The following MAJIN variants were observed in gnomAD, a reference collection of about 807,000 sequenced individuals.
The protein encoded by MAJIN is membrane anchored junction protein.
In MAJIN, 27 loss-of-function variants were observed where a neutral mutation model predicts 30.2. The observed-to-expected ratio is 0.89, with a 90% CI of 0.66 to 1.23. The LOEUF is 1.23. Among genes scored for constraint, MAJIN ranks in the 50% most tolerant of loss-of-function variants. MAJIN has a pLI of 0.00. For synonymous variants in MAJIN, 78 were observed against 91.6 expected (o/e 0.85, Z 0.85); for missense variants, 253 against 260.3 (o/e 0.97, Z 0.19).
In MAJIN at chr11:64,949,783, T is replaced by C. The variant is rs1317766604; in HGVS notation, c.309A>G (p.Leu103=). Residue 103 remains leucine (L), a synonymous_variant, in exon 6 of 11, where the codon CTA becomes CTG. Transcript: ENST00000301896. ...ILIPYPFVFT[L]YVEMKWFHEN... is the part of the protein sequence containing the mutation. ...CATGGAACCATTTCATCTCCACATA[T>C]AGAGTAAAAACAAATGGGTAGGGGA... is the stretch of plus-strand genomic sequence containing the variant. The C allele has an allele frequency of 2.5e-6, 4 of 1,612,648 alleles. No homozygotes were observed. The African/African-American group carries it at 5.3e-5, about 22-fold the overall frequency.
rs866715421 is a variant in MAJIN, at chr11:64,948,639, A to T, written c.350-820T>A. Among the ~76,000 whole-genome samples, 177 of 18,482 alleles carry T rather than the reference A, an allele frequency of 9.6e-3. 3 individuals carry two copies. Among genetic ancestry groups the T allele is most frequent in the Middle Eastern group, 0.05 (1 of 20 alleles). 12.1% of individuals were successfully genotyped at this position (18,482 alleles called of 152,430 possible). ...TATATATATATATATATATATATAT[A>T]TTTTTTTTTTTTTTTTTTTTTTTTT... is the stretch of plus-strand genomic sequence containing the variant. On this transcript the variant is annotated intron_variant, in intron 6 of 10. Transcript: ENST00000301896.
chr11:64,956,470 C>G (rs940796854), intron 3 of MAJIN, among the ~76,000 whole-genome samples: 1 of 151,888 alleles, frequency 6.6e-6, no homozygotes, highest in African/African-American at 2.4e-5. Flanking sequence ...GCTTGGGTGA[C>G]AAGAGTGAAA....
intron 6 of MAJIN, among the ~76,000 whole-genome samples, chr11:64,948,602 C>CATATATACATAT (rs1554970963): frequency 1.0e-4 from 2 of 19,418 alleles, no homozygotes; most frequent in Admixed American, 1.2e-3. Flanking sequence ...CGGGCTACAT[C>CATATATACATAT]ATATATATAT....
intron 4 of MAJIN, among the ~76,000 whole-genome samples, chr11:64,952,748 AGGCT>A (rs796689252): frequency 2.4e-4 from 37 of 152,250 alleles, no homozygotes; most frequent in African/African-American, 8.9e-4. Context: ...TCTGTTGCCC[AGGCT>A]GGAGTGCAGT....
rs775733031 is a variant in MAJIN, at chr11:64,959,392, G to A, written c.14C>T (p.Pro5Leu). ...CGTCTCTGGAAACGGGTAGGTAAAG[G>A]GTTTTAAACTCATTGCTCCCAAACG... MSLK[P>L]FTYPFPETRF... Residue 5 changes from proline (P) to leucine (L), a missense_variant, in exon 3 of 11, where the codon CCC becomes CTC. Physicochemically the swap from Pro to Leu is moderately conservative, Grantham distance 98. Transcript: ENST00000301896. 6.2e-7 allele frequency: 1 copy of A among 1,613,512 alleles called. No individual in the cohort carries two copies. The highest frequency in any genetic ancestry group is 8.5e-7 in the Non-Finnish European group (1 of 1,179,524).
At chr11:64,962,562 T>G (rs950826012) in intron 1 of MAJIN, among the ~76,000 whole-genome samples, 1 of 152,108 alleles carries the variant, frequency 6.6e-6, no homozygotes, top group South Asian at 2.1e-4. Context: ...ACAGGCAGTA[T>G]GGGATAGTGC....
intron 1 of MAJIN, among the ~76,000 whole-genome samples, chr11:64,968,576 T>C (rs1590710479): frequency 1.3e-5 from 2 of 151,732 alleles, no homozygotes; most frequent in African/African-American, 4.8e-5. Flanking sequence ...GGCTCACGCC[T>C]GTAATCCCAG....
intron 8 of MAJIN, among the ~76,000 whole-genome samples, chr11:64,942,952 C>T (rs1945400165): frequency 6.6e-6 from 1 of 152,162 alleles, no homozygotes; most frequent in Non-Finnish European, 1.5e-5. Context: ...GAGGTACAGC[C>T]TACCGCTGAA....
At chr11:64,968,774 G>A (rs998065585) in intron 1 of MAJIN, among the ~76,000 whole-genome samples, 2 of 151,630 alleles carry the variant, frequency 1.3e-5, no homozygotes, top group Admixed American at 6.6e-5. Context: ...GGAGCTCGCA[G>A]TGAGCCGAGA....
intron 1 of MAJIN, among the ~76,000 whole-genome samples, chr11:64,965,912 C>T (rs1945799785): frequency 1.3e-5 from 2 of 149,764 alleles, no homozygotes; most frequent in African/African-American, 4.9e-5. Context: ...GCCGAGACTA[C>T]GCCACTGCAT....
chr11:64,971,676 G>A (rs575072542), intron 1 of MAJIN, among the ~76,000 whole-genome samples: 1 of 152,168 alleles, frequency 6.6e-6, no homozygotes, highest in East Asian at 1.9e-4. Context: ...CTCCCCGTGG[G>A]AGCCCTGCAG....
intron 6 of MAJIN, 102 bp from the exon 7 acceptor site, chr11:64,947,921 G>A (rs773540986): frequency 4.7e-6 from 5 of 1,056,720 alleles, no homozygotes; most frequent in Non-Finnish European, 4.2e-6. Flanking sequence ...GTGCAGTGGT[G>A]CGATCTCGGC....
At chr11:64,971,612 C>T (rs1945907627) in intron 1 of MAJIN, among the ~76,000 whole-genome samples, 1 of 151,976 alleles carries the variant, frequency 6.6e-6, no homozygotes, top group Non-Finnish European at 1.5e-5. Flanking sequence ...GCCTGGAGCC[C>T]CCCGGTCTAC....
chr11:64,949,733 T>G lies in MAJIN; in HGVS notation c.349+10A>C. On this transcript the variant is annotated intron_variant, in intron 6 of 10. Coordinates refer to ENST00000301896, the MANE Select transcript of MAJIN (RefSeq NM_001037225.3). ...TTCTCTGCCATCCACATTCACATCA[T>G]TCCACTTACCAGGTGACAGGTTTTC... 6.2e-7 allele frequency: 1 copy of G among 1,612,184 alleles called. No individual in the cohort carries two copies. The highest frequency in any genetic ancestry group is 8.5e-7 in the Non-Finnish European group (1 of 1,179,898).
intron 3 of MAJIN, among the ~76,000 whole-genome samples, chr11:64,955,154 G>C (rs1165770088): frequency 9.2e-5 from 14 of 152,086 alleles, no homozygotes; most frequent in Admixed American, 5.2e-4. Flanking sequence ...CTTTCTCACT[G>C]TGTTAATATT....
rs994056811 is a variant in MAJIN, at chr11:64,938,442, A to G, written c.*133T>C. ...TTCCCCACGACTGAAGTGTCATAAG[A>G]AAAGGATAGAGTTGGAGGAAGAATG... is the stretch of plus-strand genomic sequence containing the variant. On this transcript the variant is annotated 3_prime_UTR_variant, in exon 11 of 11. Transcript: ENST00000301896. 9 of 1,432,652 alleles carry G rather than the reference A, an allele frequency of 6.3e-6. No individual in the cohort carries two copies. Among genetic ancestry groups the G allele is most frequent in the South Asian group, 1.2e-5 (1 of 81,864 alleles). 88.7% of individuals were successfully genotyped at this position (1,432,652 alleles called of 1,614,324 possible).
chr11:64,954,414 T>G, intron 4 of MAJIN: 1 of 417,866 alleles, frequency 2.4e-6, no homozygotes, highest in Non-Finnish European at 4.5e-6. Context: ...AGGCAGTGGT[T>G]GGGATGGTGA....
chr11:64,952,350 GCTAACTTT>G (rs1945566270), intron 4 of MAJIN, among the ~76,000 whole-genome samples: 1 of 151,714 alleles, frequency 6.6e-6, no homozygotes, highest in African/African-American at 2.4e-5. Flanking sequence ...ACCACACCTG[GCTAACTTT>G]TGTATTTTTG....
At position 64,963,139 on chromosome 11, in the gene MAJIN, A is replaced by C. The variant is rs1349077473; in HGVS notation, c.-64-3004T>G. Among the ~76,000 whole-genome samples, 3 of 151,890 alleles carry C rather than the reference A, an allele frequency of 2.0e-5. No homozygotes were observed. In the East Asian group the frequency reaches 5.8e-4, roughly 29 times the overall value. On this transcript the variant is annotated intron_variant, in intron 1 of 10. Coordinates refer to ENST00000301896, the MANE Select transcript of MAJIN (RefSeq NM_001037225.3). ...GAGAGTCCATCTCAAAAAAACAAAC[A>C]AAAAAAAGCAAATTCAAGAGAGCAC...
Sources: allele counts gnomAD v4.1 joint callset (sites outside exome capture counted in the v4.1 genomes callset), GRCh38; gene constraint gnomAD v4.1.1; transcripts MANE v1.5; gene names NCBI Gene and HGNC (gene_info 2026-07-23, HGNC 2026-07-21).